The following TMEFF2 variants were observed in gnomAD, a reference collection of about 807,000 sequenced individuals.
TMEFF2 encodes the protein tomoregulin-2.
A neutral mutation model predicts 53.8 loss-of-function variants in TMEFF2; 28 were observed. The ratio of observed to expected loss-of-function variants is 0.52; its 90% CI spans 0.39 to 0.71. The LOEUF is 0.71. TMEFF2 is among the 30% of genes least tolerant of loss of function. The pLI is 0.00. For synonymous variants in TMEFF2, 162 were observed against 166.3 expected, an observed-to-expected ratio of 0.97 and a Z score of 0.20; for missense variants, 353 against 455.2, an observed-to-expected ratio of 0.78 and a Z score of 2.04.
At chr2:191,960,916 G>A (rs142518405) in intron 7 of TMEFF2, among the ~76,000 whole-genome samples, 6 of 151,956 alleles carry the variant, frequency 3.9e-5, no homozygotes, top group African/African-American at 1.2e-4. Flanking sequence ...AATGTATATC[G>A]GTTAGATTAC....
intron 5 of TMEFF2, among the ~76,000 whole-genome samples, chr2:192,045,270 C>T (rs954402672): frequency 6.6e-6 from 1 of 152,196 alleles, no homozygotes; most frequent in Non-Finnish European, 1.5e-5. Flanking sequence ...AGCAGTGCAC[C>T]TGATTGTTCA....
chr2:191,974,774 C>T (rs906812595), intron 7 of TMEFF2, among the ~76,000 whole-genome samples: 2 of 151,810 alleles, frequency 1.3e-5, no homozygotes, highest in Non-Finnish European at 2.9e-5. Context: ...GTAAGTAGAC[C>T]ATTTAGTCTA....
chr2:192,043,282 G>C lies in TMEFF2; in HGVS notation c.536+14397C>G, dbSNP rs10187572. ...CTACATCATAAAAAAAGAGAGTCAT[G>C]GTCCCTTAATCAAGTCTCAGACTAG... is the stretch of plus-strand genomic sequence containing the variant. On this transcript the variant is annotated intron_variant, in intron 5 of 9. Transcript: ENST00000272771. Among the ~76,000 whole-genome samples the C allele has an allele frequency of 6.2e-3, 951 of 152,194 alleles. 8 individuals are homozygous for C. Among genetic ancestry groups the C allele is most frequent in the African/African-American group, 0.022 (917 of 41,514 alleles).
chr2:192,093,816 A>G (rs1165963577), intron 4 of TMEFF2, among the ~76,000 whole-genome samples: 2 of 125,490 alleles, frequency 1.6e-5, no homozygotes, highest in African/African-American at 5.0e-5. Context: ...AAAGGAATAT[A>G]TTTCTTAAAA....
At chr2:191,952,613 T>A (rs1164719847) in intron 9 of TMEFF2, among the ~76,000 whole-genome samples, 3 of 152,166 alleles carry the variant, frequency 2.0e-5, no homozygotes, top group Non-Finnish European at 4.4e-5. Context: ...AGCCCAAAGC[T>A]TTAGTCAATG....
intron 4 of TMEFF2, among the ~76,000 whole-genome samples, chr2:192,163,013 A>T (rs977127805): frequency 2.0e-5 from 3 of 152,164 alleles, no homozygotes; most frequent in African/African-American, 7.2e-5. Flanking sequence ...CACATATGAA[A>T]ATCTGCAGGC....
At chr2:191,960,375 C>T (rs907751118) in intron 7 of TMEFF2, among the ~76,000 whole-genome samples, 1 of 152,178 alleles carries the variant, frequency 6.6e-6, no homozygotes, top group Non-Finnish European at 1.5e-5. Flanking sequence ...ATGGCTTTGA[C>T]AAAACAACAT....
intron 5 of TMEFF2, among the ~76,000 whole-genome samples, chr2:192,015,274 T>C (rs1686718364): frequency 6.7e-6 from 1 of 150,018 alleles, no homozygotes; most frequent in Admixed American, 6.7e-5. Flanking sequence ...GACATTAAAA[T>C]GGTTCAATGG....
chr2:192,187,553 A>G (rs1691344846), intron 2 of TMEFF2, among the ~76,000 whole-genome samples: 1 of 152,198 alleles, frequency 6.6e-6, no homozygotes, highest in Admixed American at 6.5e-5. Context: ...TCAGTTTCAG[A>G]TGAAGGGACG....
rs574855340 is a variant in TMEFF2, at chr2:192,002,490, T to G, written c.537-3282A>C. Among the ~76,000 whole-genome samples, 571 of 151,936 alleles carry G rather than the reference T, an allele frequency of 3.8e-3. 7 individuals are homozygous for G. The highest frequency in any genetic ancestry group is 0.025 in the South Asian group (118 of 4,802). ...CTATGGAGAATATTTTTTTTTTTTTTGTGAATAAGTGGAAGAAACTTCAAA... is the reference window on the plus strand; with the variant it reads ...CTATGGAGAATATTTTTTTTTTTTTGGTGAATAAGTGGAAGAAACTTCAAA... On this transcript the variant is annotated intron_variant, in intron 5 of 9. Transcript: ENST00000272771.
chr2:192,171,320 G>C (rs1456712219), intron 4 of TMEFF2, among the ~76,000 whole-genome samples: 1 of 152,002 alleles, frequency 6.6e-6, no homozygotes, highest in Non-Finnish European at 1.5e-5. Context: ...CCAAATCAAT[G>C]ACAACAAGAG....
At chr2:192,184,275 G>T in intron 3 of TMEFF2, 79 bp downstream of exon 3, 1 of 1,522,752 alleles carries the variant, frequency 6.6e-7, no homozygotes, top group South Asian at 1.2e-5. Flanking sequence ...TTATTTATTG[G>T]GAGATAACAA....
intron 5 of TMEFF2, 67 bp from the exon 6 acceptor site, chr2:191,999,275 C>A (rs1686299773): frequency 1.5e-6 from 2 of 1,345,298 alleles, no homozygotes; most frequent in Non-Finnish European, 2.0e-6. Context: ...AAATAAAACA[C>A]AAATGAAAGA....
At chr2:191,968,672 T>C (rs1390037654) in intron 7 of TMEFF2, among the ~76,000 whole-genome samples, 1 of 152,156 alleles carries the variant, frequency 6.6e-6, no homozygotes, top group Admixed American at 6.5e-5. Flanking sequence ...TTGGTTTCTT[T>C]ACTGCTGCTT....
intron 2 of TMEFF2, among the ~76,000 whole-genome samples, chr2:192,185,979 TAAC>T (rs1353754709): frequency 1.3e-5 from 2 of 152,164 alleles, no homozygotes; most frequent in Non-Finnish European, 2.9e-5. Flanking sequence ...CCATAATTAC[TAAC>T]AGGATGCTTT....
At chr2:192,128,681 T>A (rs1689736895) in intron 4 of TMEFF2, among the ~76,000 whole-genome samples, 1 of 152,204 alleles carries the variant, frequency 6.6e-6, no homozygotes, top group Non-Finnish European at 1.5e-5. Flanking sequence ...TCAGGTATAA[T>A]ATGTTAATCT....
At chr2:192,188,768 C>T (rs2356964) in intron 2 of TMEFF2, among the ~76,000 whole-genome samples, 146,685 of 151,660 alleles carry the variant, frequency 0.97, 71,137 homozygotes, top group East Asian at 1. Context: ...TATCTGCATG[C>T]ATCTCCCTTC....
chr2:192,053,056 A>G (rs1427232691), intron 5 of TMEFF2, among the ~76,000 whole-genome samples: 1 of 152,220 alleles, frequency 6.6e-6, no homozygotes, highest in Non-Finnish European at 1.5e-5. Flanking sequence ...CCATGTAAGG[A>G]AAATGCAAGA....
chr2:192,177,290 T>C (rs1423503933), intron 4 of TMEFF2: 3 of 151,214 alleles, frequency 2.0e-5, no homozygotes, highest in Non-Finnish European at 3.0e-5. Flanking sequence ...GCAAGTCAAA[T>C]ATATCTTACG....
Sources: allele counts gnomAD v4.1 joint callset (sites outside exome capture counted in the v4.1 genomes callset), GRCh38; gene constraint gnomAD v4.1.1; transcripts MANE v1.5; gene names NCBI Gene and HGNC (gene_info 2026-07-23, HGNC 2026-07-21).